The following NTM variants were observed in gnomAD, a reference collection of about 807,000 sequenced individuals.
The protein encoded by NTM is neurotrimin, also known as IgLON family member 2.
NTM carries 13 observed loss-of-function variants against 42.1 expected under a neutral mutation model. That is an observed-to-expected ratio of 0.31 (90% CI 0.20 to 0.49). The LOEUF (loss-of-function observed/expected upper bound fraction) is 0.49, where lower values mean the gene tolerates loss of function less well. Among genes scored for constraint, NTM ranks in the 20% least tolerant of loss-of-function variants. The probability of loss-of-function intolerance (pLI) is 0.99; values close to 1 mark genes in which losing one functional copy is unlikely to be tolerated. For synonymous variants in NTM, 187 were observed against 179.2 expected (o/e 1.04, Z -0.35); for missense variants, 373 against 452.8 (o/e 0.82, Z 1.60).
At chr11:132,026,512 A>G (rs767326740) in intron 2 of NTM, among the ~76,000 whole-genome samples, 3 of 152,104 alleles carry the variant, frequency 2.0e-5, no homozygotes, top group Non-Finnish European at 4.4e-5. Context: ...TTGTATTTTC[A>G]TCAGAGGTAT....
chr11:132,236,768 G>T (rs145777698), intron 4 of NTM, among the ~76,000 whole-genome samples: 1 of 152,170 alleles, frequency 6.6e-6, no homozygotes, highest in East Asian at 1.9e-4. Flanking sequence ...ACTCTCACCC[G>T]TGGCAGTCTA....
chr11:131,661,534 T>C (rs1193157842), intron 1 of NTM, among the ~76,000 whole-genome samples: 1 of 152,202 alleles, frequency 6.6e-6, no homozygotes, highest in Non-Finnish European at 1.5e-5. Flanking sequence ...CTACTGTCAA[T>C]GTATTTTTCT....
chr11:131,975,084 A>C (rs2064113082), intron 2 of NTM, among the ~76,000 whole-genome samples: 1 of 152,168 alleles, frequency 6.6e-6, no homozygotes, highest in African/African-American at 2.4e-5. Context: ...GTGCCTTAAA[A>C]AATATTCAGG....
chr11:131,636,262 T>C (rs2064366759), intron 1 of NTM, among the ~76,000 whole-genome samples: 1 of 152,226 alleles, frequency 6.6e-6, no homozygotes, highest in Non-Finnish European at 1.5e-5. Context: ...GGTTAACCTC[T>C]CTACGGCTAC....
At chr11:131,396,963 G>A (rs545289641) in intron 1 of NTM, among the ~76,000 whole-genome samples, 4 of 151,992 alleles carry the variant, frequency 2.6e-5, no homozygotes, top group African/African-American at 7.3e-5. Flanking sequence ...TTTTTAAGAC[G>A]CCATGATCTA....
chr11:131,449,028 T>C (rs921783972), intron 1 of NTM, among the ~76,000 whole-genome samples: 1 of 151,972 alleles, frequency 6.6e-6, no homozygotes, highest in Non-Finnish European at 1.5e-5. Context: ...AGGGGCAAAA[T>C]GTGGTGGTGA....
chr11:132,054,150 G>A (rs2079257250), intron 2 of NTM, among the ~76,000 whole-genome samples: 1 of 152,234 alleles, frequency 6.6e-6, no homozygotes, highest in African/African-American at 2.4e-5. Flanking sequence ...GAGAGGTAGA[G>A]GTTGCAGTGA....
chr11:132,198,376 T>G (rs181877038), intron 3 of NTM, among the ~76,000 whole-genome samples: 1 of 152,130 alleles, frequency 6.6e-6, no homozygotes, highest in Admixed American at 6.5e-5. Context: ...TTTAAAAATT[T>G]TTTTGGAAAG....
intron 3 of NTM, among the ~76,000 whole-genome samples, chr11:132,161,538 G>A (rs924108455): frequency 5.9e-5 from 9 of 151,712 alleles, no homozygotes; most frequent in Middle Eastern, 3.2e-3. Context: ...CGCCAACCCC[G>A]TTTTTCATGT....
chr11:132,287,311 C>T (rs1308038410), intron 4 of NTM, among the ~76,000 whole-genome samples: 5 of 151,846 alleles, frequency 3.3e-5, no homozygotes, highest in Non-Finnish European at 5.9e-5. Flanking sequence ...GCTTATTTTT[C>T]ATTATGTATA....
At chr11:132,060,854 A>G (rs77187828) in intron 2 of NTM, among the ~76,000 whole-genome samples, 186 of 152,352 alleles carry the variant, frequency 1.2e-3, no homozygotes, top group Non-Finnish European at 1.5e-3. Context: ...GTTAGTGGTC[A>G]TAACTGCAAA....
chr11:132,302,124 C>T (rs910150544), intron 4 of NTM, among the ~76,000 whole-genome samples: 12 of 152,118 alleles, frequency 7.9e-5, no homozygotes, highest in African/African-American at 2.9e-4. Context: ...CACCAAAACC[C>T]CTGTGGGGAT....
chr11:132,077,865 G>T (rs1049413592), intron 2 of NTM, among the ~76,000 whole-genome samples: 4 of 152,050 alleles, frequency 2.6e-5, no homozygotes, highest in African/African-American at 7.2e-5. Context: ...CCTCTGGAAG[G>T]GCTGGGATTA....
At chr11:131,440,627 A>G (rs981245899) in intron 1 of NTM, among the ~76,000 whole-genome samples, 1 of 151,816 alleles carries the variant, frequency 6.6e-6, no homozygotes, top group South Asian at 2.1e-4. Flanking sequence ...TTCCTGGGTG[A>G]TGATGATTCT....
chr11:131,467,745 T>C (rs1380192380), intron 1 of NTM, among the ~76,000 whole-genome samples: 1 of 152,230 alleles, frequency 6.6e-6, no homozygotes. Context: ...GGATATTTTA[T>C]GAACAGTTTA....
intron 1 of NTM, among the ~76,000 whole-genome samples, chr11:131,827,536 A>G (rs1394021956): frequency 6.6e-6 from 1 of 152,144 alleles, no homozygotes; most frequent in East Asian, 1.9e-4. Context: ...GTTTAAAACA[A>G]TCTGCCTGTC....
intron 6 of NTM, among the ~76,000 whole-genome samples, chr11:132,313,677 A>G (rs1366032059): frequency 6.6e-6 from 1 of 152,190 alleles, no homozygotes; most frequent in Non-Finnish European, 1.5e-5. Flanking sequence ...GAAGGAGGAC[A>G]TGTGCCTACT....
At chr11:132,333,767 G>C (rs2095842604) in intron 8 of NTM, among the ~76,000 whole-genome samples, 1 of 152,152 alleles carries the variant, frequency 6.6e-6, no homozygotes, top group African/African-American at 2.4e-5. Flanking sequence ...CAATCTCATG[G>C]CTACCTATTT....
chr11:131,727,732 A>G (rs764405683), intron 1 of NTM, among the ~76,000 whole-genome samples: 7 of 152,142 alleles, frequency 4.6e-5, no homozygotes, highest in Non-Finnish European at 7.4e-5. Flanking sequence ...AGAGGTCTGC[A>G]TTGCTCTCCT....
Sources: allele counts gnomAD v4.1 joint callset (sites outside exome capture counted in the v4.1 genomes callset), GRCh38; gene constraint gnomAD v4.1.1; transcripts MANE v1.5; gene names NCBI Gene and HGNC (gene_info 2026-07-23, HGNC 2026-07-21).